The following CCDC14 variants were observed in gnomAD, a reference collection of about 807,000 sequenced individuals.
The protein encoded by CCDC14 is coiled-coil domain containing 14, also known as coiled-coil domain-containing protein 14.
In CCDC14, 71 loss-of-function variants were observed where a neutral mutation model predicts 81.4. The ratio of observed to expected loss-of-function variants is 0.87; its 90% confidence interval spans 0.72 to 1.06. CCDC14 has a LOEUF of 1.06. Among genes scored for constraint, CCDC14 ranks in the 50% least tolerant of loss-of-function variants. The pLI, the probability that CCDC14 is intolerant of heterozygous loss-of-function variation, is 0.00. For missense variants in CCDC14, 1,046 were observed against 1,047.3 expected (o/e 1.00, Z 0.02); for synonymous variants, 332 against 364.8 (o/e 0.91, Z 1.03).
At chr3:123,900,531 C>G (rs1320934021) in intron 5 of CCDC14, among the ~76,000 whole-genome samples, 1 of 152,198 alleles carries the variant, frequency 6.6e-6, no homozygotes, top group South Asian at 2.1e-4. Flanking sequence ...TGAGAGGGAG[C>G]CTTCAACTCA....
intron 10 of CCDC14, 65 bp from the exon 11 acceptor site, chr3:123,931,591 C>G: frequency 1.5e-6 from 1 of 678,114 alleles, no homozygotes; most frequent in Non-Finnish European, 2.1e-6. Context: ...TTGGAAAATA[C>G]CTGTTTCTTA....
At chr3:123,935,433 T>C (rs2036000359) in intron 9 of CCDC14, among the ~76,000 whole-genome samples, 1 of 152,198 alleles carries the variant, frequency 6.6e-6, no homozygotes, top group Non-Finnish European at 1.5e-5. Context: ...CAGTTTTACA[T>C]GTGCAAAAGC....
Position 123,955,860 on chromosome 3 carries a change from A to G in CCDC14, c.335T>C (p.Val112Ala), listed in dbSNP as rs1407749740. The G allele has an allele frequency of 3.9e-6, 6 of 1,526,936 alleles. No homozygotes were observed. The highest frequency in any genetic ancestry group is 5.3e-6 in the Non-Finnish European group (6 of 1,135,842). 94.6% of individuals were successfully genotyped at this position (1,526,936 alleles called of 1,614,324 possible). The change falls in exon 5 of 13, where the codon GTA becomes GCA. Residue 112 changes from valine (V) to alanine (A), a missense_variant. Coordinates refer to ENST00000409697, the MANE Select transcript of CCDC14 (RefSeq NM_001366335.1). Reference sequence around the variant, plus strand: ...AGGCTTACATGTTTCTTTCTGGACTACCAAAGGAATAGTATGTTTTTCATG... The same window carrying G: ...AGGCTTACATGTTTCTTTCTGGACTGCCAAAGGAATAGTATGTTTTTCATG... ...KRHEKHTIPL[V>A]VQKETSSSDN...
intron 5 of CCDC14, among the ~76,000 whole-genome samples, chr3:123,900,976 G>A (rs1368722296): frequency 6.6e-6 from 1 of 152,102 alleles, no homozygotes; most frequent in Non-Finnish European, 1.5e-5. Context: ...GCTCACGCCT[G>A]TAATTCCAGC....
chr3:123,910,177 T>C (rs13068430), downstream of CCDC14, among the ~76,000 whole-genome samples: 13,374 of 152,112 alleles, frequency 0.088, 703 homozygotes, highest in Middle Eastern at 0.21. Flanking sequence ...TGCCCTAACA[T>C]GGTGCCACTC....
downstream of CCDC14, among the ~76,000 whole-genome samples, chr3:123,896,984 C>A (rs549765574): frequency 6.6e-6 from 1 of 152,188 alleles, no homozygotes; most frequent in Non-Finnish European, 1.5e-5. Context: ...CACTTTAGAT[C>A]AGCACCCCAA....
At chr3:123,941,349 C>T (rs983168613) in intron 9 of CCDC14, among the ~76,000 whole-genome samples, 2 of 151,674 alleles carry the variant, frequency 1.3e-5, no homozygotes, top group African/African-American at 4.8e-5. Context: ...ATTTTTTAAG[C>T]CACAAGATGG....
intron 1 of CCDC14, among the ~76,000 whole-genome samples, chr3:123,959,801 T>TA (rs1453921318): frequency 7.7e-6 from 1 of 129,224 alleles, no homozygotes; most frequent in Non-Finnish European, 1.5e-5. Flanking sequence ...ATTTTTTACT[T>TA]AGTCATAATA....
intron 12 of CCDC14, among the ~76,000 whole-genome samples, chr3:123,920,080 C>T (rs1352478407): frequency 6.6e-6 from 1 of 151,720 alleles, no homozygotes; most frequent in Non-Finnish European, 1.5e-5. Context: ...TTTTAAAAAT[C>T]AAATAGATAT....
At chr3:123,952,544 G>A (rs1193077808) in intron 5 of CCDC14, 3 of 507,644 alleles carry the variant, frequency 5.9e-6, no homozygotes, top group Admixed American at 5.9e-5. Context: ...ATACAATTCT[G>A]GAAGGGCTTC....
At position 123,955,975 on chromosome 3, in the gene CCDC14, A is replaced by G. The variant is rs1403446777; in HGVS notation, c.230-10T>C. The G allele has an allele frequency of 6.5e-7, 1 of 1,528,222 alleles. No homozygotes were observed. Among genetic ancestry groups the G allele is most frequent in the African/African-American group, 1.4e-5 (1 of 71,274 alleles). The allele number at this position is 1,528,222 out of a possible 1,614,324, so 94.7% of individuals were successfully genotyped here. A position where few individuals can be genotyped will look rare whatever the true frequency, so the allele number is the denominator to read the frequency against. Reference sequence around the variant, plus strand: ...TATGCTGTTTCTGAACCTATTAATAAAACAAAAATTTGTTACATCAAAATA... The same window carrying G: ...TATGCTGTTTCTGAACCTATTAATAGAACAAAAATTTGTTACATCAAAATA... On this transcript the variant is annotated splice_polypyrimidine_tract_variant and intron_variant, in intron 4 of 12. Coordinates refer to ENST00000409697, the MANE Select transcript of CCDC14 (RefSeq NM_001366335.1).
rs2148922419 is a variant in CCDC14, at chr3:123,947,325, G to GA, written c.685-7dup. The GA allele has an allele frequency of 6.3e-7, 1 of 1,594,484 alleles. No individual in the cohort carries two copies. The highest frequency in any genetic ancestry group is 8.5e-7 in the Non-Finnish European group (1 of 1,169,948). On this transcript the variant is annotated splice_polypyrimidine_tract_variant and splice_region_variant and intron_variant, in intron 7 of 12. Coordinates refer to ENST00000409697, the MANE Select transcript of CCDC14 (RefSeq NM_001366335.1). ...TTGCCATCAGTTTGAACTTCCTAAA[G>GA]AAAGATAAAAACAAGTCTTCAGAAG...
chr3:123,935,916 C>G (rs2036033774), intron 9 of CCDC14, among the ~76,000 whole-genome samples: 1 of 152,040 alleles, frequency 6.6e-6, no homozygotes, highest in African/African-American at 2.4e-5. Context: ...TCCTTTGGTC[C>G]CAGGGTGTAT....
chr3:123,936,221 A>T (rs2036048372), intron 9 of CCDC14, among the ~76,000 whole-genome samples: 1 of 152,200 alleles, frequency 6.6e-6, no homozygotes, highest in Non-Finnish European at 1.5e-5. Flanking sequence ...TATTCTATTT[A>T]AAATGATACA....
chr3:123,904,702 A>C (rs944461579), intron 5 of CCDC14, among the ~76,000 whole-genome samples: 1 of 152,164 alleles, frequency 6.6e-6, no homozygotes, highest in South Asian at 2.1e-4. Flanking sequence ...AAAGTTTAAC[A>C]AGATTTTTAT....
At chr3:123,939,150 G>C (rs1348434628) in intron 9 of CCDC14, among the ~76,000 whole-genome samples, 8 of 151,598 alleles carry the variant, frequency 5.3e-5, no homozygotes, top group African/African-American at 1.9e-4. Context: ...TGTTGCCTTT[G>C]CACTAAAAGG....
intron 5 of CCDC14, among the ~76,000 whole-genome samples, chr3:123,899,954 C>A (rs2034146565): frequency 6.6e-6 from 1 of 152,160 alleles, no homozygotes; most frequent in South Asian, 2.1e-4. Flanking sequence ...CCGAACCTCA[C>A]CAGTTTGATT....
chr3:123,934,144 G>T (rs1309124921), intron 9 of CCDC14, among the ~76,000 whole-genome samples: 1 of 151,766 alleles, frequency 6.6e-6, no homozygotes, highest in Non-Finnish European at 1.5e-5. Context: ...GTAGTGGCGC[G>T]TGCCTGTAAT....
At chr3:123,895,801 C>T (rs62263714), downstream of CCDC14, among the ~76,000 whole-genome samples, 7,389 of 152,218 alleles carry the variant, frequency 0.049, 228 homozygotes, top group Non-Finnish European at 0.072. Context: ...GAAAAGGGAA[C>T]GCTTATACAC....
Sources: gnomAD v4.1 joint callset for allele counts (sites outside exome capture counted in the v4.1 genomes callset) on GRCh38, gnomAD v4.1.1 for gene constraint, MANE v1.5 for transcripts, NCBI Gene and HGNC (gene_info 2026-07-23, HGNC 2026-07-21) for gene names.